Variants in KSR2 observed in about 807,000 individuals in gnomAD.
KSR2 encodes the protein kinase suppressor of ras 2.
KSR2 carries 25 observed loss-of-function variants against 107.8 expected under a neutral mutation model. The observed-to-expected ratio is 0.23, with a 90% CI of 0.17 to 0.32. The LOEUF (loss-of-function observed/expected upper bound fraction) is 0.32, where lower values mean the gene tolerates loss of function less well. KSR2 is among the 10% of genes least tolerant of loss of function. The pLI is 1.00. For missense variants in KSR2, 887 were observed against 1,268.9 expected (o/e 0.70, Z 4.57); for synonymous variants, 480 against 507.0 (o/e 0.95, Z 0.71).
At chr12:117,481,109 A>G (rs552104164) in intron 16 of KSR2, among the ~76,000 whole-genome samples, 1 of 152,216 alleles carries the variant, frequency 6.6e-6, no homozygotes, top group South Asian at 2.1e-4. Flanking sequence ...ATCCTTCCAC[A>G]TCTCTATCCC....
At chr12:117,883,444 C>A (rs1397051260) in intron 1 of KSR2, among the ~76,000 whole-genome samples, 1 of 152,108 alleles carries the variant, frequency 6.6e-6, no homozygotes, top group East Asian at 1.9e-4. Flanking sequence ...AAATTATGAA[C>A]AAGATAGGCT....
intron 14 of KSR2, among the ~76,000 whole-genome samples, chr12:117,506,196 T>C (rs1158282704): frequency 6.6e-6 from 1 of 152,226 alleles, no homozygotes; most frequent in African/African-American, 2.4e-5. Context: ...TCGATACACA[T>C]GTCACCAGTA....
chr12:117,753,514 A>C (rs1465946595), intron 4 of KSR2, among the ~76,000 whole-genome samples: 1 of 152,256 alleles, frequency 6.6e-6, no homozygotes, highest in Admixed American at 6.5e-5. Flanking sequence ...CCTTTGCAGG[A>C]ACAGGGATGG....
At chr12:117,719,644 T>C (rs1468407090) in intron 4 of KSR2, among the ~76,000 whole-genome samples, 1 of 152,310 alleles carries the variant, frequency 6.6e-6, no homozygotes, top group South Asian at 2.1e-4. Context: ...AAATGTCAGT[T>C]GCCATTTGTC....
chr12:117,834,728 T>C (rs1892129333), intron 3 of KSR2, among the ~76,000 whole-genome samples: 1 of 152,144 alleles, frequency 6.6e-6, no homozygotes, highest in South Asian at 2.1e-4. Context: ...AATAGTAATA[T>C]ATGATAATCA....
intron 5 of KSR2, among the ~76,000 whole-genome samples, chr12:117,665,473 G>A (rs921805673): frequency 1.3e-5 from 2 of 152,188 alleles, no homozygotes; most frequent in African/African-American, 4.8e-5. Flanking sequence ...GGATGGCGAT[G>A]ACCAAGGACA....
chr12:117,840,973 G>A (rs941355592), intron 3 of KSR2, among the ~76,000 whole-genome samples: 13 of 150,510 alleles, frequency 8.6e-5, no homozygotes, highest in African/African-American at 3.2e-4. Context: ...CTGCAATCTA[G>A]CCGGGGCGAC....
chr12:117,635,838 C>G (rs1883043516), intron 5 of KSR2, among the ~76,000 whole-genome samples: 1 of 151,706 alleles, frequency 6.6e-6, no homozygotes, highest in African/African-American at 2.4e-5. Context: ...GTCACCCAGC[C>G]TAGAGTGCAG....
Position 117,875,486 on chromosome 12 carries a change from C to CA in KSR2, c.181-15056dup, listed in dbSNP as rs1411649897. Among the ~76,000 whole-genome samples, 7 of 152,096 alleles carry CA rather than the reference C, an allele frequency of 4.6e-5. 1 individual carries two copies. Among genetic ancestry groups the CA allele is most frequent in the Admixed American group, 2.0e-4 (3 of 15,250 alleles). On this transcript the variant is annotated intron_variant, in intron 1 of 19. Transcript: ENST00000339824. ...GCGCCAAGGGAAGGGGCTTGGCTCT[C>CA]AGCCCATTTTACACACGAGAAAACT...
intron 4 of KSR2, among the ~76,000 whole-genome samples, chr12:117,753,214 T>C (rs2136833633): frequency 6.6e-6 from 1 of 152,362 alleles, no homozygotes; most frequent in East Asian, 1.9e-4. Flanking sequence ...GGAACGTTTT[T>C]AGATTTTGTG....
chr12:117,820,790 T>C (rs1263794682), intron 3 of KSR2, among the ~76,000 whole-genome samples: 1 of 151,260 alleles, frequency 6.6e-6, no homozygotes, highest in Non-Finnish European at 1.5e-5. Context: ...CTACCAGCAA[T>C]TCAGGACCTT....
intron 13 of KSR2, among the ~76,000 whole-genome samples, chr12:117,526,722 A>G (rs1159590431): frequency 6.6e-6 from 1 of 152,178 alleles, no homozygotes; most frequent in East Asian, 1.9e-4. Context: ...TAAGCCCAGC[A>G]TCCCTGAGGC....
At chr12:117,495,044 T>G (rs1872950160) in intron 14 of KSR2, among the ~76,000 whole-genome samples, 1 of 152,212 alleles carries the variant, frequency 6.6e-6, no homozygotes, top group Non-Finnish European at 1.5e-5. Context: ...CATAGATAGC[T>G]GGGTGCAAAT....
intron 4 of KSR2, among the ~76,000 whole-genome samples, chr12:117,717,658 G>A (rs1201802386): frequency 6.6e-6 from 1 of 150,450 alleles, no homozygotes; most frequent in Non-Finnish European, 1.5e-5. Context: ...GCATGTGTGG[G>A]GCAGACAGGT....
intron 5 of KSR2, among the ~76,000 whole-genome samples, chr12:117,584,134 A>G (rs2136247874): frequency 6.6e-6 from 1 of 152,318 alleles, no homozygotes; most frequent in South Asian, 2.1e-4. Context: ...GAGAAAACCT[A>G]AGAGGGAGAC....
intron 1 of KSR2, among the ~76,000 whole-genome samples, chr12:117,901,789 C>T (rs377581698): frequency 9.9e-5 from 15 of 152,182 alleles, no homozygotes; most frequent in East Asian, 9.7e-4. Context: ...TCACATATGC[C>T]GCTGGGTGGG....
intron 4 of KSR2, among the ~76,000 whole-genome samples, chr12:117,693,882 C>G (rs1022837833): frequency 6.6e-6 from 1 of 152,236 alleles, no homozygotes; most frequent in African/African-American, 2.4e-5. Context: ...AAGACATGCT[C>G]TGACGCCTAT....
intron 10 of KSR2, among the ~76,000 whole-genome samples, chr12:117,531,992 A>G (rs531797815): frequency 6.6e-6 from 1 of 152,316 alleles, no homozygotes; most frequent in South Asian, 2.1e-4. Flanking sequence ...TGTGAAATGC[A>G]TAATTACACA....
intron 1 of KSR2, among the ~76,000 whole-genome samples, chr12:117,951,442 T>C (rs1404244940): frequency 1.3e-5 from 2 of 152,174 alleles, no homozygotes; most frequent in African/African-American, 4.8e-5. Context: ...TTGGCTTCAG[T>C]GCTCAAGTCC....
Sources: gnomAD v4.1 joint callset for allele counts (sites outside exome capture counted in the v4.1 genomes callset) on GRCh38, gnomAD v4.1.1 for gene constraint, MANE v1.5 for transcripts, NCBI Gene and HGNC (gene_info 2026-07-23, HGNC 2026-07-21) for gene names.